EPB41L3: variants seen among roughly 807,000 people sequenced by gnomAD.
EPB41L3 encodes the protein band 4.1-like protein 3.
A neutral mutation model predicts 127.1 loss-of-function variants in EPB41L3; 57 were observed. The ratio of observed to expected loss-of-function variants is 0.45; its 90% CI spans 0.36 to 0.56. The LOEUF (loss-of-function observed/expected upper bound fraction) is 0.56. EPB41L3 is among the 20% of genes least tolerant of loss of function. The pLI is 0.00. For synonymous variants in EPB41L3, 572 were observed against 549.5 expected, an observed-to-expected ratio of 1.04 and a Z score of -0.57; for missense variants, 1,273 against 1,372.2, an observed-to-expected ratio of 0.93 and a Z score of 1.14.
At chr18:5,497,388 C>CAG (rs981469896) in intron 1 of EPB41L3, among the ~76,000 whole-genome samples, 5 of 152,094 alleles carry the variant, frequency 3.3e-5, no homozygotes. Context: ...GGGAAAATGC[C>CAG]AGAGCAAGGT....
intron 3 of EPB41L3, among the ~76,000 whole-genome samples, chr18:5,582,251 C>T (rs1429400279): frequency 1.3e-5 from 2 of 152,128 alleles, no homozygotes; most frequent in African/African-American, 2.4e-5. Context: ...AGTGAGGAGG[C>T]TGTAACATGA....
chr18:5,587,555 C>T (rs1021396785), intron 3 of EPB41L3, among the ~76,000 whole-genome samples: 1 of 152,078 alleles, frequency 6.6e-6, no homozygotes, highest in South Asian at 2.1e-4. Context: ...TGGAATGCAT[C>T]CCCCAAGGAT....
intron 1 of EPB41L3, among the ~76,000 whole-genome samples, chr18:5,625,389 G>A (rs1282227228): frequency 2.0e-5 from 3 of 152,096 alleles, no homozygotes; most frequent in Non-Finnish European, 4.4e-5. Context: ...TTTCCGTGGT[G>A]TGTGTCTGTC....
intron 3 of EPB41L3, among the ~76,000 whole-genome samples, chr18:5,555,739 T>C (rs2094025093): frequency 6.6e-6 from 1 of 152,192 alleles, no homozygotes. Flanking sequence ...TCCCGGGACA[T>C]GAGTGAGCAC....
intron 3 of EPB41L3, among the ~76,000 whole-genome samples, chr18:5,579,118 A>G (rs2094365783): frequency 1.3e-5 from 2 of 152,262 alleles, no homozygotes; most frequent in Non-Finnish European, 2.9e-5. Flanking sequence ...TGTAGATGAA[A>G]CTTCACAATA....
intron 22 of EPB41L3, chr18:5,393,722 T>C (rs1567948256): frequency 5.0e-6 from 2 of 403,070 alleles, no homozygotes; most frequent in Admixed American, 4.4e-5. Context: ...AAATATATTA[T>C]TCATTTGAGT....
intron 1 of EPB41L3, among the ~76,000 whole-genome samples, chr18:5,534,337 G>C (rs1356964105): frequency 6.6e-6 from 1 of 152,152 alleles, no homozygotes. Flanking sequence ...AAGTCATTAA[G>C]ACAAAAGTCG....
chr18:5,622,457 C>CT (rs1258090309), intron 1 of EPB41L3, among the ~76,000 whole-genome samples: 1 of 152,216 alleles, frequency 6.6e-6, no homozygotes, highest in Admixed American at 6.5e-5. Flanking sequence ...ACTGAAACTG[C>CT]AGCAGGGTGA....
intron 1 of EPB41L3, among the ~76,000 whole-genome samples, chr18:5,523,088 T>TATCCCATTAAAATCTCCCATTA (rs1271718055): frequency 1.3e-5 from 2 of 152,196 alleles, no homozygotes; most frequent in Non-Finnish European, 2.9e-5. Flanking sequence ...GCAAAATGAC[T>TATCCCATTAAAATCTCCCATTA]AATTCCCATT....
At chr18:5,615,822 T>C (rs1275037219) in intron 1 of EPB41L3, among the ~76,000 whole-genome samples, 1 of 152,186 alleles carries the variant, frequency 6.6e-6, no homozygotes, top group Admixed American at 6.5e-5. Context: ...AAAGAGAGCA[T>C]GGCTTCTTAG....
rs2094342987 is a variant in EPB41L3, at chr18:5,577,020, TAAG to T, written c.-306+35317_-306+35319del. The stretch of plus-strand genomic sequence containing the variant: ...ATTGGTCAGGCTGGCATGTACTAAG[TAAG>T]AAGGACAAAGGGAAAGGTGAGATAT... On this transcript the variant is annotated intron_variant, in intron 3 of 21. Transcript: ENST00000545076. 2.6e-5 allele frequency among the ~76,000 whole-genome samples: 4 copies of T among 152,270 alleles called. No homozygotes were observed. In the East Asian group the frequency reaches 7.7e-4, roughly 29 times the overall value.
At chr18:5,443,657 C>CG (rs1568200858) in intron 5 of EPB41L3, among the ~76,000 whole-genome samples, 181 bp downstream of exon 5, 1 of 152,204 alleles carries the variant, frequency 6.6e-6, no homozygotes, top group Non-Finnish European at 1.5e-5. Context: ...CCAAGCATCA[C>CG]GGTCCCTTTA....
At chr18:5,506,373 G>A (rs577598401) in intron 1 of EPB41L3, among the ~76,000 whole-genome samples, 14 of 152,048 alleles carry the variant, frequency 9.2e-5, no homozygotes, top group African/African-American at 2.4e-4. Flanking sequence ...CCTTCTCAGC[G>A]TCCTCCCCAC....
At chr18:5,599,083 G>C (rs534613858) in intron 3 of EPB41L3, among the ~76,000 whole-genome samples, 115 of 152,298 alleles carry the variant, frequency 7.6e-4, no homozygotes, top group African/African-American at 2.7e-3. Flanking sequence ...ATGTATTATG[G>C]AACAGAGATC....
intron 1 of EPB41L3, among the ~76,000 whole-genome samples, chr18:5,511,836 A>G (rs1390312400): frequency 6.6e-6 from 1 of 152,216 alleles, no homozygotes; most frequent in Non-Finnish European, 1.5e-5. Flanking sequence ...TGCCAGAGAC[A>G]GGGATGAAAA....
At chr18:5,532,753 G>T (rs528063011) in intron 1 of EPB41L3, among the ~76,000 whole-genome samples, 1 of 152,270 alleles carries the variant, frequency 6.6e-6, no homozygotes, top group East Asian at 1.9e-4. Context: ...CATCTTGGGG[G>T]TCAATAAAGC....
intron 1 of EPB41L3, among the ~76,000 whole-genome samples, chr18:5,529,606 C>T (rs1039788657): frequency 1.2e-4 from 18 of 152,314 alleles, no homozygotes; most frequent in African/African-American, 2.9e-4. Flanking sequence ...AGCATTGCAG[C>T]TCTCGTGTCA....
At chr18:5,499,689 C>T (rs1349325639) in intron 1 of EPB41L3, among the ~76,000 whole-genome samples, 1 of 151,850 alleles carries the variant, frequency 6.6e-6, no homozygotes, top group Non-Finnish European at 1.5e-5. Flanking sequence ...ATGGCGTGAA[C>T]CTGGGAGGCG....
chr18:5,566,712 C>G (rs1568583352), intron 3 of EPB41L3, among the ~76,000 whole-genome samples: 3 of 151,500 alleles, frequency 2.0e-5, no homozygotes, highest in East Asian at 1.9e-4. Flanking sequence ...CCTTTCTTTT[C>G]TTTTCTATTC....
Sources: gnomAD v4.1 joint callset for allele counts (sites outside exome capture counted in the v4.1 genomes callset) on GRCh38, gnomAD v4.1.1 for gene constraint, MANE v1.5 for transcripts, NCBI Gene and HGNC (gene_info 2026-07-23, HGNC 2026-07-21) for gene names.